SUPT5H: variants seen among roughly 807,000 people sequenced by gnomAD.
SUPT5H encodes SPT5 homolog, DSIF elongation factor subunit, also known as transcription elongation factor SPT5.
Under a neutral mutation model 142.5 loss-of-function variants are expected in SUPT5H, and 24 were observed. The observed-to-expected ratio is 0.17, with a 90% CI of 0.12 to 0.24. The LOEUF (loss-of-function observed/expected upper bound fraction) is 0.24, where lower values mean the gene tolerates loss of function less well. Among genes scored for constraint, SUPT5H ranks in the 10% least tolerant of loss-of-function variants. SUPT5H has a pLI of 1.00. For missense variants in SUPT5H, 893 were observed against 1,471.8 expected, an observed-to-expected ratio of 0.61 and a Z score of 6.43; for synonymous variants, 546 against 553.0, an observed-to-expected ratio of 0.99 and a Z score of 0.18.
Position 39,469,217 on chromosome 19 carries a change from C to T in SUPT5H, c.1237+45C>T. 6.2e-7 allele frequency: 1 copy of T among 1,614,156 alleles called. No homozygotes were observed. Reference sequence around the variant, plus strand: ...AACCTGGGCCAAGGAGCAGGGGCGGCCCATGGTGGCAACCCCCGAGTCAGC... The same window carrying T: ...AACCTGGGCCAAGGAGCAGGGGCGGTCCATGGTGGCAACCCCCGAGTCAGC... On this transcript the variant is annotated intron_variant, in intron 15 of 29. Coordinates refer to ENST00000432763, the MANE Select transcript of SUPT5H (RefSeq NM_001111020.3). This position sits in a 1 kb window ranked among gnomAD's most constrained non-coding sequence, Gnocchi z 5.1.
chr19:39,453,709 C>T lies in SUPT5H; in HGVS notation c.241+188C>T, dbSNP rs772254226. ...CCTCCTGAATAGCTGGGACTACAGG[C>T]GCCCGCCACCACGCCCGGCTAATTT... On this transcript the variant is annotated intron_variant, in intron 3 of 29. Transcript: ENST00000432763. 3.3e-5 allele frequency among the ~76,000 whole-genome samples: 5 copies of T among 152,142 alleles called. No homozygotes were observed. The East Asian group carries it at 7.7e-4, about 23-fold the overall frequency.
chr19:39,465,586 G>A (rs1220899793), intron 11 of SUPT5H, among the ~76,000 whole-genome samples: 1 of 152,208 alleles, frequency 6.6e-6, no homozygotes, highest in Non-Finnish European at 1.5e-5. Flanking sequence ...TGTCAGCTGG[G>A]GAGGGGGTTG....
At chr19:39,457,906 T>G (rs1294879486) in intron 4 of SUPT5H, 166 bp downstream of exon 4, 16 of 1,304,738 alleles carry the variant, frequency 1.2e-5, no homozygotes, top group Non-Finnish European at 1.7e-5. Context: ...TGCTTTTTCC[T>G]TTTAGGCCCA....
chr19:39,447,524 C>T (rs28649498), intron 2 of SUPT5H, among the ~76,000 whole-genome samples: 89,408 of 149,198 alleles, frequency 0.6, 27,635 homozygotes, highest in African/African-American at 0.75. Context: ...GATCTCAGCC[C>T]ACTGCAACCT....
At chr19:39,446,115 G>T in intron 2 of SUPT5H, 150 bp downstream of exon 2, 1 of 897,312 alleles carries the variant, frequency 1.1e-6, no homozygotes. Flanking sequence ...TAGGCAAGTC[G>T]AAGTCAAGCA....
intron 3 of SUPT5H, among the ~76,000 whole-genome samples, chr19:39,455,047 T>C (rs2079069794): frequency 6.6e-6 from 1 of 152,200 alleles, no homozygotes; most frequent in Non-Finnish European, 1.5e-5. Flanking sequence ...ATTTACTTTA[T>C]GGTTAAACTT....
At chr19:39,449,425 T>A (rs1338206120) in intron 2 of SUPT5H, among the ~76,000 whole-genome samples, 1 of 152,196 alleles carries the variant, frequency 6.6e-6, no homozygotes, top group African/African-American at 2.4e-5. Flanking sequence ...GAGATTTGTG[T>A]TAAGCAAATA....
At position 39,469,097 on chromosome 19, in the gene SUPT5H, C is replaced by G. The variant is rs748780633; in HGVS notation, c.1162C>G (p.Pro388Ala). 2 of 1,614,212 alleles carry G rather than the reference C, an allele frequency of 1.2e-6. No individual in the cohort carries two copies. The highest frequency in any genetic ancestry group is 2.2e-5 in the South Asian group (2 of 91,082). Residue 388 changes from proline to alanine, a missense_variant, in exon 15 of 30, where the codon CCA becomes GCA. Around this residue, in one of 6 missense-constraint regions of SUPT5H, gnomAD observed 428 missense variants for 763.5 expected, o/e 0.56. Coordinates refer to ENST00000432763, the MANE Select transcript of SUPT5H (RefSeq NM_001111020.3). This position sits in a 1 kb window ranked among gnomAD's most constrained non-coding sequence, Gnocchi z 5.1. ...GGCTTAGATCACGGAGGGTGTGAAG[C>G]CAACACTCTCTGAGCTGGAAAAGTT... ...MSAVITEGVK[P>A]TLSELEKFED...
In SUPT5H at chr19:39,469,682, C is replaced by G; in HGVS notation, c.1374+284C>G. The G allele has an allele frequency of 1.9e-6, 1 of 536,772 alleles. No homozygotes were observed. Among genetic ancestry groups the G allele is most frequent in the South Asian group, 2.1e-5 (1 of 47,794 alleles). 33.3% of individuals were successfully genotyped at this position (536,772 alleles called of 1,614,324 possible). A position where few individuals can be genotyped will look rare whatever the true frequency, so the allele number is the denominator to read the frequency against. On this transcript the variant is annotated intron_variant, in intron 16 of 29. Transcript: ENST00000432763. This position sits in a 1 kb window ranked among gnomAD's most constrained non-coding sequence, Gnocchi z 5.1. ...AGTACTGGGTTGAGAGTGTGATTAA[C>G]CAAGGAGTAATCTGAGGCTTGACTT...
At position 39,469,442 on chromosome 19, in the gene SUPT5H, A is replaced by T. The variant is rs1166970705; in HGVS notation, c.1374+44A>T. 1 of 1,613,324 alleles carries T rather than the reference A, an allele frequency of 6.2e-7. No individual in the cohort carries two copies. Among genetic ancestry groups the T allele is most frequent in the Non-Finnish European group, 8.5e-7 (1 of 1,179,518 alleles). ...CGGGCAGGGGTTGGAGTGTTCAGGC[A>T]CATCTGACTGTATGTGGCTGTCGAG... On this transcript the variant is annotated intron_variant, in intron 16 of 29. Coordinates refer to ENST00000432763, the MANE Select transcript of SUPT5H (RefSeq NM_001111020.3). The surrounding 1 kb of genome is among the most constrained non-coding windows in gnomAD (Gnocchi z 5.1).
rs1351253616 is a variant in SUPT5H, at chr19:39,476,247, C to A, written c.3121-9C>A. On this transcript the variant is annotated splice_polypyrimidine_tract_variant and intron_variant, in intron 29 of 29. Coordinates refer to ENST00000432763, the MANE Select transcript of SUPT5H (RefSeq NM_001111020.3). ...ACATGGACCCTGACCATATTCCCCC[C>A]ACCCCCAGGTGAAAGTGATCCTGGG... 1 of 1,614,086 alleles carries A rather than the reference C, an allele frequency of 6.2e-7. No individual in the cohort carries two copies. Among genetic ancestry groups the A allele is most frequent in the Non-Finnish European group, 8.5e-7 (1 of 1,180,002 alleles).
chr19:39,457,703 C>G lies in SUPT5H; in HGVS notation c.270C>G (p.Asp90Glu). The change falls in exon 4 of 30, where the codon GAC becomes GAG. Residue 90 changes from aspartate to glutamate, a missense_variant. By Grantham distance (45) the Asp-to-Glu change is conservative. This residue lies in a region of SUPT5H where 5 missense variants were observed against 34.5 expected (regional missense o/e 0.14). Transcript: ENST00000432763. ...TTGACGATGAGTATGAGGACGAGGA[C>G]CAGTGGGAGGATGGAGCAGAGGACA... ...ADVDDEYEDE[D>E]QWEDGAEDIL... 1 of 1,614,030 alleles carries G rather than the reference C, an allele frequency of 6.2e-7. No individual in the cohort carries two copies. The highest frequency in any genetic ancestry group is 1.6e-4 in the Middle Eastern group (1 of 6,062).
At position 39,458,470 on chromosome 19, in the gene SUPT5H, A is replaced by G. The variant is rs1600705674; in HGVS notation, c.319+165A>G. On this transcript the variant is annotated intron_variant, in intron 5 of 29. Transcript: ENST00000432763. The surrounding 1 kb of genome is among the most constrained non-coding windows in gnomAD (Gnocchi z 4.2). Reference sequence around the variant, plus strand: ...GAGTCAGGGAGTTCTGGGGCCAGGTATACCCCAGTTGTTGACCTGGGAAAG... The same window carrying G: ...GAGTCAGGGAGTTCTGGGGCCAGGTGTACCCCAGTTGTTGACCTGGGAAAG... 3.1e-6 allele frequency: 4 copies of G among 1,271,852 alleles called. No individual in the cohort carries two copies. The highest frequency in any genetic ancestry group is 1.4e-5 in the South Asian group (1 of 70,482). 78.8% of individuals were successfully genotyped at this position (1,271,852 alleles called of 1,614,324 possible).
In SUPT5H at chr19:39,473,824, A is replaced by G. The variant is rs2079360974; in HGVS notation, c.2493-139A>G. ...CCACAGTGTCAGCTGTGGAAGGGAAATAACATCAGGAGTGCCTCTGGATGG... is the reference window on the plus strand; with the variant it reads ...CCACAGTGTCAGCTGTGGAAGGGAAGTAACATCAGGAGTGCCTCTGGATGG... On this transcript the variant is annotated intron_variant, in intron 25 of 29. Coordinates refer to ENST00000432763, the MANE Select transcript of SUPT5H (RefSeq NM_001111020.3). This position sits in a 1 kb window ranked among gnomAD's most constrained non-coding sequence, Gnocchi z 5.8. The G allele has an allele frequency of 8.2e-7, 1 of 1,214,834 alleles. No individual in the cohort carries two copies. Among genetic ancestry groups the G allele is most frequent in the African/African-American group, 1.5e-5 (1 of 67,466 alleles). 75.3% of individuals were successfully genotyped at this position (1,214,834 alleles called of 1,614,324 possible).
At chr19:39,467,074 TAAAA>T (rs926083270) in intron 13 of SUPT5H, 1 of 187,628 alleles carries the variant, frequency 5.3e-6, no homozygotes, top group Non-Finnish European at 1.1e-5. Context: ...AGAAAAAAGT[TAAAA>T]AAATATTTAA....
At position 39,470,637 on chromosome 19, in the gene SUPT5H, C is replaced by T. The variant is rs924250812; in HGVS notation, c.1677+114C>T. On this transcript the variant is annotated intron_variant, in intron 18 of 29. Transcript: ENST00000432763. The surrounding 1 kb of genome is among the most constrained non-coding windows in gnomAD (Gnocchi z 5.8). Reference sequence around the variant, plus strand: ...AGACTGCTCTGGGTTGCAGATCTGGCTCTGTCACTTACATCTGAATGGCTG... The same window carrying T: ...AGACTGCTCTGGGTTGCAGATCTGGTTCTGTCACTTACATCTGAATGGCTG... 6.5e-6 allele frequency: 8 copies of T among 1,231,290 alleles called. No individual in the cohort carries two copies. The highest frequency in any genetic ancestry group is 6.2e-5 in the African/African-American group (4 of 64,434). 76.3% of individuals were successfully genotyped at this position (1,231,290 alleles called of 1,614,324 possible). A position where few individuals can be genotyped will look rare whatever the true frequency, so the allele number is the denominator to read the frequency against.
chr19:39,461,632 C>A (rs964642993), intron 10 of SUPT5H, among the ~76,000 whole-genome samples: 1 of 151,908 alleles, frequency 6.6e-6, no homozygotes, highest in African/African-American at 2.4e-5. Context: ...AGACCAGCTT[C>A]ACCAGCATGG....
intron 2 of SUPT5H, among the ~76,000 whole-genome samples, chr19:39,450,040 G>A (rs2079001857): frequency 6.6e-6 from 1 of 151,362 alleles, no homozygotes; most frequent in Non-Finnish European, 1.5e-5. Flanking sequence ...TGAGGATCAA[G>A]CAATCCTCCT....
At chr19:39,455,297 C>T (rs768152517) in intron 3 of SUPT5H, among the ~76,000 whole-genome samples, 1 of 151,868 alleles carries the variant, frequency 6.6e-6, no homozygotes, top group African/African-American at 2.4e-5. Flanking sequence ...CGTGGTGGCT[C>T]ATGCTTGTAA....
Sources: gnomAD v4.1 joint callset for allele counts (sites outside exome capture counted in the v4.1 genomes callset) on GRCh38, gnomAD v4.1.1 for gene constraint, gnomAD v4.1.1 regional missense constraint, Gnocchi (gnomAD v3.1) non-coding constraint, MANE v1.5 for transcripts, NCBI Gene and HGNC (gene_info 2026-07-23, HGNC 2026-07-21) for gene names.